NALF1: variants seen among roughly 807,000 people sequenced by gnomAD.
NALF1 encodes the protein family with sequence similarity 155 member A.
A neutral mutation model predicts 48.4 loss-of-function variants in NALF1; 3 were observed. The observed-to-expected ratio is 0.06, with a 90% CI of 0.03 to 0.16. The LOEUF (loss-of-function observed/expected upper bound fraction) is 0.16, where lower values mean the gene tolerates loss of function less well. Among genes scored for constraint, NALF1 ranks in the 10% least tolerant of loss-of-function variants. NALF1 has a pLI of 1.00. For synonymous variants in NALF1, 262 were observed against 245.7 expected, an observed-to-expected ratio of 1.07 and a Z score of -0.62; for missense variants, 526 against 571.5, an observed-to-expected ratio of 0.92 and a Z score of 0.81.
At chr13:107,589,673 T>G (rs1282114594) in intron 1 of NALF1, among the ~76,000 whole-genome samples, 1 of 152,046 alleles carries the variant, frequency 6.6e-6, no homozygotes, top group Admixed American at 6.6e-5. Flanking sequence ...TTATGAGTAA[T>G]TAGATGGCAA....
intron 1 of NALF1, among the ~76,000 whole-genome samples, chr13:107,265,459 A>AC (rs1431658597): frequency 6.6e-6 from 1 of 152,110 alleles, no homozygotes; most frequent in South Asian, 2.1e-4. Context: ...CACTTTTGTC[A>AC]CCCAGGCTGG....
intron 1 of NALF1, among the ~76,000 whole-genome samples, chr13:107,259,116 C>T (rs1880878679): frequency 6.6e-6 from 1 of 152,148 alleles, no homozygotes; most frequent in African/African-American, 2.4e-5. Flanking sequence ...TTCCTTTCTG[C>T]ATCAGGGGAA....
chr13:107,821,130 G>C (rs943902522), intron 1 of NALF1, among the ~76,000 whole-genome samples: 2 of 151,162 alleles, frequency 1.3e-5, no homozygotes, highest in Non-Finnish European at 2.9e-5. Flanking sequence ...CAGTGCTTAA[G>C]TATTATTTTT....
intron 1 of NALF1, among the ~76,000 whole-genome samples, chr13:107,490,193 T>C (rs1885393324): frequency 6.6e-6 from 1 of 152,152 alleles, no homozygotes. Flanking sequence ...AGACAGAACC[T>C]ATCATTCAAC....
At chr13:107,680,272 T>G (rs1283250508) in intron 1 of NALF1, among the ~76,000 whole-genome samples, 2 of 152,188 alleles carry the variant, frequency 1.3e-5, no homozygotes, top group Non-Finnish European at 2.9e-5. Context: ...CAACCATGAC[T>G]GTGATGACAC....
intron 1 of NALF1, among the ~76,000 whole-genome samples, chr13:107,422,860 G>C (rs1442279352): frequency 1.5e-4 from 23 of 152,176 alleles, no homozygotes; most frequent in Admixed American, 1.5e-3. Flanking sequence ...GCTGAGGTCA[G>C]AGAGACAGAT....
intron 1 of NALF1, among the ~76,000 whole-genome samples, chr13:107,783,972 G>A (rs143884627): frequency 7.1e-4 from 108 of 151,730 alleles, no homozygotes; most frequent in Middle Eastern, 3.5e-3. Context: ...CTGAGCTCCC[G>A]GGAGGCAGTA....
chr13:107,417,277 G>T (rs570045523), intron 1 of NALF1, among the ~76,000 whole-genome samples: 1 of 152,288 alleles, frequency 6.6e-6, no homozygotes, highest in Non-Finnish European at 1.5e-5. Flanking sequence ...ACCATTGTCT[G>T]TGCTTTTCAC....
intron 1 of NALF1, among the ~76,000 whole-genome samples, chr13:107,472,761 G>A (rs187848465): frequency 6.6e-6 from 1 of 152,214 alleles, no homozygotes; most frequent in Admixed American, 6.5e-5. Flanking sequence ...CCTGACTTTT[G>A]AGGTTTTGGG....
intron 1 of NALF1, among the ~76,000 whole-genome samples, chr13:107,546,673 T>A (rs1181804629): frequency 1.3e-5 from 2 of 152,226 alleles, no homozygotes; most frequent in East Asian, 1.9e-4. Flanking sequence ...CCCGGCTAGC[T>A]TTCCATCTAT....
At chr13:107,407,317 C>A (rs766324539) in intron 1 of NALF1, among the ~76,000 whole-genome samples, 5 of 152,058 alleles carry the variant, frequency 3.3e-5, no homozygotes, top group Admixed American at 6.6e-5. Flanking sequence ...AGTGAAGAGA[C>A]AATCCACAGA....
chr13:107,242,342 C>A (rs904963759), intron 1 of NALF1, among the ~76,000 whole-genome samples: 2 of 152,126 alleles, frequency 1.3e-5, no homozygotes, highest in Non-Finnish European at 2.9e-5. Context: ...CTGGGAAGGC[C>A]CTTCCCTTCT....
At chr13:107,780,420 A>C (rs1877855403) in intron 1 of NALF1, among the ~76,000 whole-genome samples, 1 of 152,130 alleles carries the variant, frequency 6.6e-6, no homozygotes, top group Non-Finnish European at 1.5e-5. Flanking sequence ...CTGATGTTTA[A>C]TATAGGAATG....
intron 1 of NALF1, among the ~76,000 whole-genome samples, chr13:107,593,331 T>C (rs1425050945): frequency 2.0e-5 from 3 of 151,926 alleles, no homozygotes; most frequent in Admixed American, 6.6e-5. Flanking sequence ...CAAATATTTA[T>C]CCATGGTTTT....
At chr13:107,851,482 A>G (rs1428885649) in intron 1 of NALF1, among the ~76,000 whole-genome samples, 3 of 152,106 alleles carry the variant, frequency 2.0e-5, no homozygotes, top group Admixed American at 2.0e-4. Context: ...TACTGTATTT[A>G]TATTTCCCAT....
At chr13:107,663,765 C>T (rs1880786663) in intron 1 of NALF1, among the ~76,000 whole-genome samples, 1 of 152,184 alleles carries the variant, frequency 6.6e-6, no homozygotes, top group South Asian at 2.1e-4. Context: ...GAGCTATTGG[C>T]ATGATTTTCA....
intron 1 of NALF1, among the ~76,000 whole-genome samples, chr13:107,239,421 A>G (rs910141877): frequency 3.9e-5 from 6 of 152,142 alleles, no homozygotes; most frequent in African/African-American, 1.2e-4. Context: ...GTGTCCTCAC[A>G]TGGCACTTCC....
At chr13:107,386,387 C>T (rs897660670) in intron 1 of NALF1, among the ~76,000 whole-genome samples, 50 of 152,228 alleles carry the variant, frequency 3.3e-4, no homozygotes, top group African/African-American at 1.1e-3. Flanking sequence ...AGTGAACATG[C>T]AATTTGATGT....
intron 1 of NALF1, among the ~76,000 whole-genome samples, chr13:107,434,154 C>G (rs367709274): frequency 1.3e-5 from 2 of 152,130 alleles, no homozygotes; most frequent in South Asian, 2.1e-4. Context: ...AATAAGAGGT[C>G]TAGTTTCAGT....
Sources: allele counts gnomAD v4.1 joint callset (sites outside exome capture counted in the v4.1 genomes callset), GRCh38; gene constraint gnomAD v4.1.1; transcripts MANE v1.5; gene names NCBI Gene and HGNC (gene_info 2026-07-23, HGNC 2026-07-21).